The following CCDC30 variants were observed in gnomAD, a reference collection of about 807,000 sequenced individuals.
CCDC30 encodes the protein coiled-coil domain-containing protein 30.
In CCDC30, 70 loss-of-function variants were observed where a neutral mutation model predicts 100.2. That is an observed-to-expected ratio of 0.70 (90% confidence interval 0.58 to 0.85). The LOEUF (loss-of-function observed/expected upper bound fraction) is 0.85. Among genes scored for constraint, CCDC30 ranks in the 40% least tolerant of loss-of-function variants. CCDC30 has a pLI of 0.00. For synonymous variants in CCDC30, 233 were observed against 269.5 expected (o/e 0.86, Z 1.33); for missense variants, 652 against 771.2 (o/e 0.85, Z 1.83).
intron 4 of CCDC30, among the ~76,000 whole-genome samples, chr1:42,490,553 C>T (rs1479877338): frequency 6.6e-6 from 1 of 151,440 alleles, no homozygotes; most frequent in Non-Finnish European, 1.5e-5. Flanking sequence ...ATTATTACTA[C>T]TACTACTACC....
rs369929442 is a variant in CCDC30 at position 42,536,608 on chromosome 1, C to T, written c.457-29688C>T. The stretch of plus-strand genomic sequence containing the variant: ...CTTGAAAGTTGAAAGTGAGGTATTA[C>T]CATTCAGGAAGCTGTTTTCTTCTTC... On this transcript the variant is annotated intron_variant, in intron 6 of 16. Coordinates refer to ENST00000668663, the Ensembl canonical transcript of CCDC30. The T allele has an allele frequency of 5.3e-4, 823 of 1,544,358 alleles. 1 individual carries two copies. The highest frequency in any genetic ancestry group is 6.8e-4 in the Non-Finnish European group (761 of 1,125,086).
At chr1:42,512,486 G>A (rs951472948) in intron 6 of CCDC30, among the ~76,000 whole-genome samples, 1 of 152,148 alleles carries the variant, frequency 6.6e-6, no homozygotes, top group Non-Finnish European at 1.5e-5. Context: ...AATCACAACA[G>A]CATTCCCCTG....
intron 6 of CCDC30, 59 bp from the exon 11 acceptor site, chr1:42,566,237 A>G (rs894748536): frequency 6.6e-6 from 9 of 1,357,512 alleles, no homozygotes; most frequent in African/African-American, 5.8e-5. Context: ...ACTTGAACCC[A>G]TGTTTTACCA....
At chr1:42,492,135 C>A in intron 4 of CCDC30, 1 of 268,904 alleles carries the variant, frequency 3.7e-6, no homozygotes, top group East Asian at 8.4e-5. Context: ...TTATTTGTTT[C>A]ATCTACTCTG....
chr1:42,564,274 A>G (rs1645559686), intron 6 of CCDC30, among the ~76,000 whole-genome samples: 1 of 152,176 alleles, frequency 6.6e-6, no homozygotes, highest in Admixed American at 6.5e-5. Context: ...AGGAAAGTGT[A>G]TTGCTGGTGT....
In CCDC30 at chr1:42,646,337, A is replaced by C. The variant is rs1379603196; in HGVS notation, c.1854+20A>C. The C allele has an allele frequency of 1.4e-6, 2 of 1,469,970 alleles. No homozygotes were observed. The highest frequency in any genetic ancestry group is 1.8e-6 in the Non-Finnish European group (2 of 1,106,740). The allele number at this position is 1,469,970 out of a possible 1,614,324, so 91.1% of individuals were successfully genotyped here. A position where few individuals can be genotyped will look rare whatever the true frequency, so the allele number is the denominator to read the frequency against. ...CAGATGGTAGGAGAATCCAACTTCC[A>C]CATCCACAATACCCTTCCCCACATT... On this transcript the variant is annotated intron_variant, in intron 15 of 16. Coordinates refer to ENST00000668663, the Ensembl canonical transcript of CCDC30.
At chr1:42,508,009 C>T (rs748038753) in intron 6 of CCDC30, among the ~76,000 whole-genome samples, 13 of 152,144 alleles carry the variant, frequency 8.5e-5, no homozygotes, top group Non-Finnish European at 1.9e-4. Context: ...TTAATTAGAG[C>T]TCTTTTTATA....
intron 6 of CCDC30, among the ~76,000 whole-genome samples, chr1:42,544,548 T>C (rs1377921314): frequency 6.6e-6 from 1 of 152,208 alleles, no homozygotes; most frequent in Non-Finnish European, 1.5e-5. Context: ...AGGGTCTCAC[T>C]CTGTCATATA....
chr1:42,502,269 C>G (rs371930312), intron 6 of CCDC30, among the ~76,000 whole-genome samples: 3 of 152,128 alleles, frequency 2.0e-5, no homozygotes, highest in African/African-American at 7.2e-5. Flanking sequence ...GCGTGGGACC[C>G]TCCGAGCCAT....
the CCDC30 span, chr1:42,456,617 C>T: frequency 1.3e-6 from 2 of 1,550,876 alleles, no homozygotes; most frequent in Non-Finnish European, 1.7e-6. Flanking sequence ...CGGTGCTGCG[C>T]GCTGGGCTGA....
chr1:42,571,920 C>T (rs941053693), intron 7 of CCDC30, among the ~76,000 whole-genome samples: 8 of 152,172 alleles, frequency 5.3e-5, no homozygotes, highest in Admixed American at 1.3e-4. Flanking sequence ...CAGATATGTT[C>T]AGTCAATGAA....
At chr1:42,557,656 T>TTAA (rs2148553051) in intron 6 of CCDC30, among the ~76,000 whole-genome samples, 1 of 147,474 alleles carries the variant, frequency 6.8e-6, no homozygotes, top group African/African-American at 2.4e-5. Flanking sequence ...AATATTTTAT[T>TTAA]TATATTAAAT....
intron 15 of CCDC30, among the ~76,000 whole-genome samples, chr1:42,647,207 A>T (rs1357517100): frequency 6.6e-6 from 1 of 152,202 alleles, no homozygotes; most frequent in Non-Finnish European, 1.5e-5. Flanking sequence ...AACCCATCTC[A>T]TCTATAAAGA....
intron 6 of CCDC30, among the ~76,000 whole-genome samples, chr1:42,500,551 C>G (rs1488977727): frequency 1.3e-5 from 2 of 151,910 alleles, no homozygotes; most frequent in African/African-American, 2.4e-5. Context: ...GTAGCTGGGA[C>G]TACAGGCACC....
chr1:42,469,128 C>T (rs1643683112), intron 1 of CCDC30, among the ~76,000 whole-genome samples: 1 of 152,170 alleles, frequency 6.6e-6, no homozygotes, highest in South Asian at 2.1e-4. Context: ...CCTGTAATCC[C>T]AGCACTTTGA....
At chr1:42,619,995 G>C (rs1449354057) in intron 11 of CCDC30, among the ~76,000 whole-genome samples, 1 of 152,150 alleles carries the variant, frequency 6.6e-6, no homozygotes, top group East Asian at 1.9e-4. Flanking sequence ...ATCTAGATAA[G>C]TCTGCTTTGT....
intron 5 of CCDC30, among the ~76,000 whole-genome samples, chr1:42,498,284 G>T (rs1292061873): frequency 6.6e-6 from 1 of 152,146 alleles, no homozygotes; most frequent in African/African-American, 2.4e-5. Context: ...TGGGGAGAGG[G>T]AGTAACGGGA....
intron 7 of CCDC30, among the ~76,000 whole-genome samples, chr1:42,572,012 ACT>A (rs1182240323): frequency 1.3e-5 from 2 of 152,212 alleles, no homozygotes; most frequent in East Asian, 3.8e-4. Flanking sequence ...TGCAATGAAC[ACT>A]CATGCACATG....
intron 7 of CCDC30, among the ~76,000 whole-genome samples, chr1:42,567,055 C>T (rs1010596650): frequency 1.3e-5 from 2 of 152,116 alleles, no homozygotes; most frequent in African/African-American, 2.4e-5. Flanking sequence ...TGTAAATATA[C>T]ATTAAGGACT....
Sources: gnomAD v4.1 joint callset for allele counts (sites outside exome capture counted in the v4.1 genomes callset) on GRCh38, gnomAD v4.1.1 for gene constraint, MANE v1.5 for transcripts, NCBI Gene and HGNC (gene_info 2026-07-23, HGNC 2026-07-21) for gene names.